CEP170B: variants seen among roughly 807,000 people sequenced by gnomAD.
CEP170B encodes the protein centrosomal protein of 170 kDa protein B.
CEP170B carries 55 observed loss-of-function variants against 120.6 expected under a neutral mutation model. The ratio of observed to expected loss-of-function variants is 0.46; its 90% CI spans 0.37 to 0.57. The LOEUF is 0.57. Ranked by LOEUF, CEP170B falls within the 20% of genes least tolerant of loss-of-function variation. CEP170B has a pLI of 0.00. For missense variants in CEP170B, 2,212 were observed against 2,253.3 expected (o/e 0.98, Z 0.37); for synonymous variants, 1,033 against 954.5 (o/e 1.08, Z -1.52).
chr14:104,880,265 A>T, intron 5 of CEP170B, 22 bp from the exon 6 acceptor site: 1 of 1,571,312 alleles, frequency 6.4e-7, no homozygotes, highest in Non-Finnish European at 8.6e-7. Flanking sequence ...CCAGTACCTC[A>T]CCCCGCCTGG....
At chr14:104,880,736 C>T (rs1383253964) in intron 6 of CEP170B, among the ~76,000 whole-genome samples, 2 of 151,834 alleles carry the variant, frequency 1.3e-5, no homozygotes. Context: ...TGCACACCCA[C>T]ACCACTCACC....
rs1896836821 is a variant in CEP170B at position 104,891,061 on chromosome 14, GGATGGAT to G, written c.3878+1305_3878+1311del. ...TGGATGGATGGATGAGTGGGTGGGTGGATGGATGGATGGATGGATGGAGAGTGAGTGG... is the reference window on the plus strand; with the variant it reads ...TGGATGGATGGATGAGTGGGTGGGTGGGATGGATGGATGGAGAGTGAGTGG... On this transcript the variant is annotated intron_variant, in intron 13 of 18. Transcript: ENST00000414716. The surrounding 1 kb of genome is among the most constrained non-coding windows in gnomAD (Gnocchi z 4.3). 7.2e-6 allele frequency among the ~76,000 whole-genome samples: 1 copy of G among 138,966 alleles called. No homozygotes were observed. The highest frequency in any genetic ancestry group is 1.7e-5 in the Non-Finnish European group (1 of 59,756). The allele number at this position is 138,966 out of a possible 152,430, so 91.2% of individuals were successfully genotyped here. A position where few individuals can be genotyped will look rare whatever the true frequency, so the allele number is the denominator to read the frequency against.
At position 104,883,577 on chromosome 14, in the gene CEP170B, A is replaced by G. The variant is rs1369281185; in HGVS notation, c.1051+69A>G. On this transcript the variant is annotated intron_variant, in intron 8 of 18. Transcript: ENST00000414716. ...GGGACCGGACTTTGGCTGGGTCTGC[A>G]CTGTTGCCATGCAGAGGGGCCCATT... 6 of 1,433,454 alleles carry G rather than the reference A, an allele frequency of 4.2e-6. No homozygotes were observed. The African/African-American group carries it at 7.2e-5, about 17-fold the overall frequency. The allele number at this position is 1,433,454 out of a possible 1,614,324, so 88.8% of individuals were successfully genotyped here. A position where few individuals can be genotyped will look rare whatever the true frequency, so the allele number is the denominator to read the frequency against.
At chr14:104,878,372 G>C in intron 4 of CEP170B, 71 bp from the exon 5 acceptor site, 1 of 1,513,850 alleles carries the variant, frequency 6.6e-7, no homozygotes, top group South Asian at 1.1e-5. Flanking sequence ...TGGCACACCT[G>C]TTGCTGGGCG....
intron 6 of CEP170B, among the ~76,000 whole-genome samples, chr14:104,880,689 A>G (rs1298933995): frequency 6.7e-6 from 1 of 149,476 alleles, no homozygotes; most frequent in African/African-American, 2.5e-5. Context: ...ACACCTACCC[A>G]TGCATGCCTG....
At position 104,892,391 on chromosome 14, in the gene CEP170B, T is replaced by A. The variant is rs529379023; in HGVS notation, c.3879-585T>A. Among the ~76,000 whole-genome samples the A allele has an allele frequency of 1.4e-4, 22 of 152,228 alleles. No homozygotes were observed. The South Asian group carries it at 4.6e-3, about 32-fold the overall frequency. ...GCCAGGCTTGAGCAGGGGGCTAGGC[T>A]GAGCTGCCATTGGCCTCACTGGCCT... On this transcript the variant is annotated intron_variant, in intron 13 of 18. Transcript: ENST00000414716.
At chr14:104,885,226 C>A in intron 9 of CEP170B, 143 bp from the exon 10 acceptor site, 1 of 880,920 alleles carries the variant, frequency 1.1e-6, no homozygotes, top group South Asian at 1.8e-5. Flanking sequence ...CTGCTGACAG[C>A]CAGGCTGCAT....
chr14:104,887,461 A>T lies in CEP170B; in HGVS notation c.3222A>T (p.Gly1074=). Residue 1074 remains glycine, a synonymous_variant, in exon 12 of 19, where the codon GGA becomes GGT. Coordinates refer to ENST00000414716, the MANE Select transcript of CEP170B (RefSeq NM_001112726.3). The stretch of plus-strand genomic sequence containing the variant: ...AAACCCCTGAGGCCACCGGGGCAGG[A>T]CGGCTAGGTTCTCGCCGGAAACCAG... ...NHETPEATGA[G]RLGSRRKPAA... 1 of 1,611,806 alleles carries T rather than the reference A, an allele frequency of 6.2e-7. No homozygotes were observed. The highest frequency in any genetic ancestry group is 8.5e-7 in the Non-Finnish European group (1 of 1,179,532).
chr14:104,878,551 C>T (rs749582881), intron 5 of CEP170B, 50 bp downstream of exon 5: 1 of 1,574,192 alleles, frequency 6.4e-7, no homozygotes, highest in South Asian at 1.1e-5. Flanking sequence ...CTCAGCCCCC[C>T]ATCCTCCCCA....
Position 104,886,258 on chromosome 14 carries a change from G to A in CEP170B, c.2036-17G>A. The A allele has an allele frequency of 1.3e-6, 2 of 1,504,706 alleles. No homozygotes were observed. Among genetic ancestry groups the A allele is most frequent in the Non-Finnish European group, 1.8e-6 (2 of 1,131,154 alleles). 93.2% of individuals were successfully genotyped at this position (1,504,706 alleles called of 1,614,324 possible). A position where few individuals can be genotyped will look rare whatever the true frequency, so the allele number is the denominator to read the frequency against. The stretch of plus-strand genomic sequence containing the variant: ...CAGACCAGCGGCCCTCTAACCGGCT[G>A]CCTTTGTGCTCCACAGAGGATGGCC... On this transcript the variant is annotated splice_polypyrimidine_tract_variant and intron_variant, in intron 11 of 18. Coordinates refer to ENST00000414716, the MANE Select transcript of CEP170B (RefSeq NM_001112726.3).
rs761598924 is a variant in CEP170B at position 104,893,804 on chromosome 14, C to G, written c.4226C>G (p.Ser1409Trp). The change falls in exon 16 of 19, where the codon TCG (serine) becomes TGG (tryptophan). Residue 1409 changes from serine (S) to tryptophan (W), a missense_variant. Ser to Trp is a radical substitution (Grantham distance 177). This residue lies in a region of CEP170B where 2,166 missense variants were observed against 2,166.7 expected (regional missense o/e 1.00). Transcript: ENST00000414716. ...ATGCTGAACCCGGTGTCCCAGCTGT[C>G]GCAGGCCATCCGTGAGAACACAGAG... Reference protein sequence around the residue: ...NLMLNPVSQLSQAIRENTEHL... With the variant: ...NLMLNPVSQLWQAIRENTEHL... 1 of 1,612,418 alleles carries G rather than the reference C, an allele frequency of 6.2e-7. No individual in the cohort carries two copies.
chr14:104,877,851 T>C (rs1233722046), intron 3 of CEP170B, 34 bp from the exon 4 acceptor site: 1,705 of 372,194 alleles, frequency 4.6e-3, no homozygotes, highest in South Asian at 0.011. Context: ...CCCGCGCAGC[T>C]CCCCCCCCCC....
rs373943144 is a variant in CEP170B, at chr14:104,884,060, C to G, written c.1281C>G (p.Ser427=). ...CCCAGTCCTTCACGCACAGCCCGTC[C>G]GGGGACCCCAAGGCCGACAAGCGCC... ...KRSQSFTHSP[S]GDPKADKRRG... The change falls in exon 9 of 19, where the codon TCC becomes TCG. Residue 427 remains serine (S), a synonymous_variant. Coordinates refer to ENST00000414716, the MANE Select transcript of CEP170B (RefSeq NM_001112726.3). The G allele has an allele frequency of 6.2e-7, 1 of 1,608,254 alleles. No individual in the cohort carries two copies. Among genetic ancestry groups the G allele is most frequent in the Non-Finnish European group, 8.5e-7 (1 of 1,177,576 alleles).
chr14:104,893,450 A>G, intron 14 of CEP170B, 73 bp from the exon 15 acceptor site: 1 of 1,528,044 alleles, frequency 6.5e-7, no homozygotes, highest in Non-Finnish European at 8.8e-7. Context: ...GCCGGGCCGG[A>G]GCAGGGAGGT....
rs967452998 is a variant in CEP170B at position 104,870,223 on chromosome 14, G to A, written c.105+1668G>A. Among the ~76,000 whole-genome samples, 1 of 152,214 alleles carries A rather than the reference G, an allele frequency of 6.6e-6. No individual in the cohort carries two copies. The highest frequency in any genetic ancestry group is 6.5e-5 in the Admixed American group (1 of 15,282). ...GCGAGCGTGGGCGACCGAGGTGGGC[G>A]CGGCAGCACCTGCACTTCATTTATG... On this transcript the variant is annotated intron_variant, in intron 2 of 18. Coordinates refer to ENST00000414716, the MANE Select transcript of CEP170B (RefSeq NM_001112726.3). The surrounding 1 kb of genome is among the most constrained non-coding windows in gnomAD (Gnocchi z 4.1).
intron 12 of CEP170B, among the ~76,000 whole-genome samples, 197 bp downstream of exon 12, chr14:104,888,175 G>A (rs148697147): frequency 1.3e-5 from 2 of 152,350 alleles, no homozygotes; most frequent in African/African-American, 4.8e-5. Flanking sequence ...GGCAGGGCCC[G>A]CAGTCCCCTG....
At chr14:104,879,491 G>T (rs1045061493) in intron 5 of CEP170B, among the ~76,000 whole-genome samples, 9 of 152,144 alleles carry the variant, frequency 5.9e-5, no homozygotes, top group Non-Finnish European at 1.0e-4. Flanking sequence ...TAGGCTGAGG[G>T]TTTATAAGGG....
At chr14:104,892,102 C>T (rs745446539) in intron 13 of CEP170B, among the ~76,000 whole-genome samples, 68 of 152,216 alleles carry the variant, frequency 4.5e-4, no homozygotes, top group Non-Finnish European at 6.3e-4. Flanking sequence ...TGGGGTGGGG[C>T]CTGTCCCCAT....
rs1261726064 is a variant in CEP170B, at chr14:104,867,969, G to C, written c.-27-455G>C. Among the ~76,000 whole-genome samples, 1 of 152,112 alleles carries C rather than the reference G, an allele frequency of 6.6e-6. No homozygotes were observed. Among genetic ancestry groups the C allele is most frequent in the Non-Finnish European group, 1.5e-5 (1 of 68,002 alleles). On this transcript the variant is annotated intron_variant, in intron 1 of 18. Transcript: ENST00000414716. The surrounding 1 kb of genome is among the most constrained non-coding windows in gnomAD (Gnocchi z 5.4). ...TGGGGGGAGTGGGTCCTCTTGTTCA[G>C]TGTATGTCTTGGGGTGGGTCTGGTG...
Sources: allele counts gnomAD v4.1 joint callset (sites outside exome capture counted in the v4.1 genomes callset), GRCh38; gene constraint gnomAD v4.1.1; regional missense constraint gnomAD v4.1.1; non-coding constraint Gnocchi (gnomAD v3.1); transcripts MANE v1.5; gene names NCBI Gene and HGNC (gene_info 2026-07-23, HGNC 2026-07-21).